AMBRA1: variants seen among roughly 807,000 people sequenced by gnomAD.
The protein encoded by AMBRA1 is autophagy and beclin 1 regulator 1.
In AMBRA1, 47 loss-of-function variants were observed where a neutral mutation model predicts 125.4. The ratio of observed to expected loss-of-function variants is 0.37; its 90% confidence interval spans 0.30 to 0.48. AMBRA1 has a LOEUF of 0.48. AMBRA1 is among the 20% of genes least tolerant of loss of function. AMBRA1 has a pLI of 0.99. For missense variants in AMBRA1, 1,331 were observed against 1,693.4 expected, an observed-to-expected ratio of 0.79 and a Z score of 3.76; for synonymous variants, 626 against 655.5, an observed-to-expected ratio of 0.95 and a Z score of 0.69.
intron 7 of AMBRA1, among the ~76,000 whole-genome samples, chr11:46,528,133 G>C (rs139987746): frequency 6.6e-6 from 1 of 152,182 alleles, no homozygotes; most frequent in Admixed American, 6.5e-5. Flanking sequence ...CCTTTGAAAA[G>C]AAGGAAATTA....
Position 46,417,920 on chromosome 11 carries a change from G to A in AMBRA1, c.3109C>T (p.Arg1037Ter), listed in dbSNP as rs1946618387. 5 of 1,608,750 alleles carry A rather than the reference G, an allele frequency of 3.1e-6. No homozygotes were observed. Among genetic ancestry groups the A allele is most frequent in the South Asian group, 1.1e-5 (1 of 90,616 alleles). ...ACACTTTAAGCCACTTACTCTGGTC[G>A]GCAGATCACCAGGTCTCCTTTGTTA... ...GTNKGDLVIC[R>*]PEALNSGVEY... The change falls in exon 15 of 18, where the codon CGA becomes TGA. Residue 1037 changes from arginine to a stop codon, truncating the protein, a stop_gained. Transcript: ENST00000683756. LOFTEE classifies it high-confidence loss of function.
chr11:46,540,553 A>C (rs1205443274), intron 7 of AMBRA1, among the ~76,000 whole-genome samples: 1 of 152,134 alleles, frequency 6.6e-6, no homozygotes, highest in African/African-American at 2.4e-5. Context: ...CATCTAGTCA[A>C]GTCTCCCTCT....
intron 1 of AMBRA1, among the ~76,000 whole-genome samples, chr11:46,581,086 G>T (rs897878784): frequency 6.6e-6 from 1 of 151,916 alleles, no homozygotes; most frequent in African/African-American, 2.4e-5. Context: ...GAGCCACCGC[G>T]CCCGGCCCCA....
rs78629321 is a variant in AMBRA1 at position 46,542,722 on chromosome 11, G to A, written c.1295C>T (p.Ala432Val). ...TVLSLNSRSE[A>V]ESMPPPRTSA... is the part of the protein sequence containing the mutation. ...GGTTCTGGGCGGGGGCATGGATTCC[G>A]CCTCAGAGCGGGAGTTCAGACTGAG... is the stretch of plus-strand genomic sequence containing the variant. The change falls in exon 7 of 18, where the codon GCG becomes GTG. Residue 432 changes from alanine (A) to valine (V), a missense_variant. By Grantham distance (64) the Ala-to-Val change is moderately conservative (BLOSUM62 0). Coordinates refer to ENST00000683756, the MANE Select transcript of AMBRA1 (RefSeq NM_001387011.1). This position sits in a 1 kb window ranked among gnomAD's most constrained non-coding sequence, Gnocchi z 5.9. 284 of 1,614,054 alleles carry A rather than the reference G, an allele frequency of 1.8e-4. 1 individual carries two copies. The African/African-American group carries it at 3.4e-3, about 19-fold the overall frequency.
intron 7 of AMBRA1, among the ~76,000 whole-genome samples, chr11:46,519,017 C>G (rs1217923547): frequency 1.3e-5 from 2 of 152,076 alleles, no homozygotes; most frequent in African/African-American, 4.8e-5. Context: ...AGAACCTTCA[C>G]TTCATTATTT....
intron 11 of AMBRA1, among the ~76,000 whole-genome samples, chr11:46,463,296 A>C (rs1184913548): frequency 1.3e-5 from 2 of 152,242 alleles, no homozygotes; most frequent in East Asian, 1.9e-4. Flanking sequence ...CCCACTCAAC[A>C]CTTTCCCTGA....
At chr11:46,411,390 T>TGTCCCAGGAGGTCCCAGGAG (rs202077633) in intron 15 of AMBRA1, among the ~76,000 whole-genome samples, 3 of 152,322 alleles carry the variant, frequency 2.0e-5, no homozygotes, top group African/African-American at 2.4e-5. Flanking sequence ...CGAGGGACTG[T>TGTCCCAGGAGGTCCCAGGAG]GTCCCAGGAG....
intron 1 of AMBRA1, among the ~76,000 whole-genome samples, chr11:46,553,753 A>C (rs2043085087): frequency 6.6e-6 from 1 of 151,994 alleles, no homozygotes; most frequent in Admixed American, 6.6e-5. Flanking sequence ...TCAAAAAAAA[A>C]ACACAAAAAC....
At chr11:46,559,324 G>A (rs2043256767) in intron 1 of AMBRA1, among the ~76,000 whole-genome samples, 1 of 151,626 alleles carries the variant, frequency 6.6e-6, no homozygotes, top group Non-Finnish European at 1.5e-5. Flanking sequence ...GAAAAGAAAA[G>A]TAAAGACAAG....
intron 14 of AMBRA1, among the ~76,000 whole-genome samples, chr11:46,421,329 T>C (rs1363655476): frequency 1.3e-5 from 2 of 152,230 alleles, no homozygotes; most frequent in Non-Finnish European, 2.9e-5. Context: ...AGGGCAGTTC[T>C]CAAGTGCACA....
At chr11:46,409,578 C>A (rs1946189584) in intron 16 of AMBRA1, among the ~76,000 whole-genome samples, 1 of 152,190 alleles carries the variant, frequency 6.6e-6, no homozygotes, top group South Asian at 2.1e-4. Flanking sequence ...GTAGGGAGCA[C>A]AGGCTGTCCT....
At chr11:46,526,275 A>G (rs955598923) in intron 7 of AMBRA1, among the ~76,000 whole-genome samples, 1 of 152,042 alleles carries the variant, frequency 6.6e-6, no homozygotes, top group Non-Finnish European at 1.5e-5. Flanking sequence ...AGAGTAGTCA[A>G]TCTCCAAAGA....
At chr11:46,561,959 G>A (rs938506661) in intron 1 of AMBRA1, among the ~76,000 whole-genome samples, 2 of 152,124 alleles carry the variant, frequency 1.3e-5, no homozygotes, top group Non-Finnish European at 2.9e-5. Context: ...TGATTAAGCA[G>A]GTATTATGTT....
At chr11:46,527,899 G>C (rs1265530751) in intron 7 of AMBRA1, among the ~76,000 whole-genome samples, 2 of 152,146 alleles carry the variant, frequency 1.3e-5, no homozygotes, top group Non-Finnish European at 2.9e-5. Flanking sequence ...ACAGTATGGA[G>C]GTTCCTCAAA....
rs572605397 is a variant in AMBRA1 at position 46,420,420 on chromosome 11, G to A, written c.2977-2368C>T. On this transcript the variant is annotated intron_variant, in intron 14 of 17. Coordinates refer to ENST00000683756, the MANE Select transcript of AMBRA1 (RefSeq NM_001387011.1). ...CTCACTCAGCCTCACTGTCTGAACG[G>A]GCACAGATATGGTAATACCACTCTT... Among the ~76,000 whole-genome samples, 15 of 152,122 alleles carry A rather than the reference G, an allele frequency of 9.9e-5. No homozygotes were observed. The South Asian group carries it at 3.1e-3, about 32-fold the overall frequency.
rs59904013 is a variant in AMBRA1, at chr11:46,527,477, C to CAAAAAAAAAAAAAAAAAAAAAAAA, written c.2072+14444_2072+14467dup. On this transcript the variant is annotated intron_variant, in intron 7 of 17. Coordinates refer to ENST00000683756, the MANE Select transcript of AMBRA1 (RefSeq NM_001387011.1). ...CCTAGGTGACAAAGTGAGACTGTCT[C>CAAAAAAAAAAAAAAAAAAAAAAAA]AAAAAAAAAAAAAAAAAAAAAAAAA... is the stretch of plus-strand genomic sequence containing the variant. 3.9e-4 allele frequency among the ~76,000 whole-genome samples: 10 copies of CAAAAAAAAAAAAAAAAAAAAAAAA among 25,940 alleles called. 2 individuals are homozygous for CAAAAAAAAAAAAAAAAAAAAAAAA. Among genetic ancestry groups the CAAAAAAAAAAAAAAAAAAAAAAAA allele is most frequent in the Admixed American group, 6.9e-4 (1 of 1,446 alleles). 17.0% of individuals were successfully genotyped at this position (25,940 alleles called of 152,430 possible). A position where few individuals can be genotyped will look rare whatever the true frequency, so the allele number is the denominator to read the frequency against.
At chr11:46,590,237 G>A (rs2135346863) in intron 1 of AMBRA1, among the ~76,000 whole-genome samples, 2 of 151,924 alleles carry the variant, frequency 1.3e-5, no homozygotes, top group South Asian at 2.1e-4. Flanking sequence ...TGGGTGCGGT[G>A]GTGCGCACCT....
intron 7 of AMBRA1, among the ~76,000 whole-genome samples, chr11:46,533,091 A>G (rs2135136044): frequency 6.6e-6 from 1 of 152,190 alleles, no homozygotes; most frequent in Admixed American, 6.5e-5. Context: ...TGAGCCCCAG[A>G]GGTGGAGGAT....
intron 1 of AMBRA1, among the ~76,000 whole-genome samples, chr11:46,579,611 C>T (rs540945378): frequency 1.3e-5 from 2 of 152,308 alleles, no homozygotes; most frequent in East Asian, 3.9e-4. Context: ...TGGCAAGATA[C>T]CAAGCTAAGC....
Sources: allele counts gnomAD v4.1 joint callset (sites outside exome capture counted in the v4.1 genomes callset), GRCh38; gene constraint gnomAD v4.1.1; non-coding constraint Gnocchi (gnomAD v3.1); transcripts MANE v1.5; gene names NCBI Gene and HGNC (gene_info 2026-07-23, HGNC 2026-07-21).